Variants in TRIM2 observed in about 807,000 individuals in gnomAD.
TRIM2 encodes tripartite motif containing 2, also known as tripartite motif-containing protein 2.
A neutral mutation model predicts 75.2 loss-of-function variants in TRIM2; 20 were observed. That is an observed-to-expected ratio of 0.27 (90% CI 0.19 to 0.39). TRIM2 has a LOEUF of 0.39. Among genes scored for constraint, TRIM2 ranks in the 10% least tolerant of loss-of-function variants. TRIM2 has a pLI of 1.00. For missense variants in TRIM2, 660 were observed against 990.8 expected, an observed-to-expected ratio of 0.67 and a Z score of 4.48; for synonymous variants, 373 against 388.3, an observed-to-expected ratio of 0.96 and a Z score of 0.46.
chr4:153,284,028 C>G (rs1332707940), intron 3 of TRIM2, among the ~76,000 whole-genome samples: 11 of 150,918 alleles, frequency 7.3e-5, no homozygotes, highest in Non-Finnish European at 1.3e-4. Flanking sequence ...TGTCACCATG[C>G]CCAGCTAATT....
intron 6 of TRIM2, among the ~76,000 whole-genome samples, chr4:153,306,128 C>CAA (rs200865610): frequency 1.6e-4 from 18 of 112,572 alleles, no homozygotes; most frequent in Non-Finnish European, 2.7e-4. Context: ...GACTCCATCT[C>CAA]AAAAAAAAAA....
At position 153,260,696 on chromosome 4, in the gene TRIM2, C is replaced by CACACACA. The variant is rs1560902840; in HGVS notation, c.31-9639_31-9638insACACACA. Reference sequence around the variant, plus strand: ...CACACCCACCCACACACCCACCCCCCCCCCCACACACACACACACACACAC... The same window carrying CACACACA: ...CACACCCACCCACACACCCACCCCCCACACACACCCCCACACACACACACACACACAC... On this transcript the variant is annotated intron_variant, in intron 1 of 11. Coordinates refer to ENST00000338700, the MANE Select transcript of TRIM2 (RefSeq NM_015271.5). 1.9e-3 allele frequency among the ~76,000 whole-genome samples: 111 copies of CACACACA among 58,074 alleles called. 9 individuals carry two copies. Among genetic ancestry groups the CACACACA allele is most frequent in the African/African-American group, 6.1e-3 (106 of 17,336 alleles). 38.1% of individuals were successfully genotyped at this position (58,074 alleles called of 152,430 possible).
intron 10 of TRIM2, among the ~76,000 whole-genome samples, chr4:153,327,400 G>T (rs182660520): frequency 5.0e-4 from 76 of 152,284 alleles, no homozygotes; most frequent in African/African-American, 1.7e-3. Flanking sequence ...CTCTCTAAAA[G>T]GTCTTGAGAT....
intron 1 of TRIM2, among the ~76,000 whole-genome samples, chr4:153,171,835 T>G (rs556111506): frequency 3.7e-5 from 5 of 135,260 alleles, no homozygotes; most frequent in African/African-American, 8.3e-5. Flanking sequence ...ATTTTCGTTT[T>G]GGGGCTTTTT....
intron 1 of TRIM2, among the ~76,000 whole-genome samples, chr4:153,170,821 C>T (rs1023406359): frequency 1.1e-4 from 16 of 152,158 alleles, no homozygotes; most frequent in Non-Finnish European, 2.2e-4. Flanking sequence ...GAGAAAGGGA[C>T]ACCTTTTTCT....
intron 1 of TRIM2, among the ~76,000 whole-genome samples, chr4:153,246,754 C>T (rs1749272305): frequency 6.6e-6 from 1 of 152,166 alleles, no homozygotes; most frequent in South Asian, 2.1e-4. Flanking sequence ...ATGGATGGCT[C>T]TGCTTGGCAC....
chr4:153,237,805 C>T (rs186624101), intron 1 of TRIM2, among the ~76,000 whole-genome samples: 13 of 152,252 alleles, frequency 8.5e-5, no homozygotes, highest in Admixed American at 7.2e-4. Context: ...AATGGTTATA[C>T]AAATGGTTAT....
chr4:153,320,698 C>T (rs947364722), intron 8 of TRIM2, among the ~76,000 whole-genome samples: 1 of 152,098 alleles, frequency 6.6e-6, no homozygotes, highest in African/African-American at 2.4e-5. Flanking sequence ...GGTGGCGCGA[C>T]CTTGGCTAAC....
At chr4:153,153,848 C>A (rs911459576) in intron 1 of TRIM2, among the ~76,000 whole-genome samples, 1 of 152,198 alleles carries the variant, frequency 6.6e-6, no homozygotes, top group African/African-American at 2.4e-5. Flanking sequence ...GCCCTGCAGG[C>A]CTCAGTCTCT....
chr4:153,294,319 A>G lies in TRIM2; in HGVS notation c.620A>G (p.Asp207Gly), dbSNP rs1329113567. 6.2e-7 allele frequency: 1 copy of G among 1,614,140 alleles called. No individual in the cohort carries two copies. Among genetic ancestry groups the G allele is most frequent in the Non-Finnish European group, 8.5e-7 (1 of 1,180,018 alleles). Residue 207 changes from aspartate (D) to glycine (G), a missense_variant, in exon 5 of 12, where the codon GAT (aspartate) becomes GGT (glycine). Coordinates refer to ENST00000338700, the MANE Select transcript of TRIM2 (RefSeq NM_015271.5). ...CTGTCCACCAGGCTCCCAGAAATAGATTCTGCTCTTCAGTTCATCTCTGAA... is the reference window on the plus strand; with the variant it reads ...CTGTCCACCAGGCTCCCAGAAATAGGTTCTGCTCTTCAGTTCATCTCTGAA... ...DAVNKRLPEI[D>G]SALQFISEII... is the part of the protein sequence containing the mutation.
chr4:153,176,544 C>A (rs753084251), intron 1 of TRIM2, among the ~76,000 whole-genome samples: 1 of 152,072 alleles, frequency 6.6e-6, no homozygotes, highest in Non-Finnish European at 1.5e-5. Context: ...CTGTATTATT[C>A]TTGCAAATTT....
At chr4:153,215,085 A>G (rs553075008) in intron 1 of TRIM2, among the ~76,000 whole-genome samples, 10 of 152,222 alleles carry the variant, frequency 6.6e-5, no homozygotes, top group African/African-American at 2.4e-4. Context: ...ATACAGGCAG[A>G]TGCAACTTGC....
intron 11 of TRIM2, 35 bp from the exon 12 acceptor site, chr4:153,334,779 C>T: frequency 6.4e-7 from 1 of 1,563,982 alleles, no homozygotes; most frequent in Non-Finnish European, 8.8e-7. Flanking sequence ...ACTATAACTT[C>T]TCCTATAACA....
intron 2 of TRIM2, among the ~76,000 whole-genome samples, chr4:153,272,266 A>G (rs959943406): frequency 4.6e-5 from 7 of 151,998 alleles, no homozygotes; most frequent in African/African-American, 1.4e-4. Flanking sequence ...CTCCTGCCTC[A>G]GCCTCCTGAG....
intron 3 of TRIM2, among the ~76,000 whole-genome samples, chr4:153,289,611 C>T (rs948152369): frequency 6.6e-6 from 1 of 152,060 alleles, no homozygotes; most frequent in African/African-American, 2.4e-5. Context: ...TATTCTTTGT[C>T]ATCTCGTTTC....
In TRIM2 at chr4:153,338,376, A is replaced by G; in HGVS notation, c.*3410A>G. 1 of 985,724 alleles carries G rather than the reference A, an allele frequency of 1.0e-6. No individual in the cohort carries two copies. The highest frequency in any genetic ancestry group is 1.2e-6 in the Non-Finnish European group (1 of 829,858). The allele number at this position is 985,724 out of a possible 1,614,324, so 61.1% of individuals were successfully genotyped here. A position where few individuals can be genotyped will look rare whatever the true frequency, so the allele number is the denominator to read the frequency against. On this transcript the variant is annotated 3_prime_UTR_variant, in exon 12 of 12. Coordinates refer to ENST00000338700, the MANE Select transcript of TRIM2 (RefSeq NM_015271.5). ...ATTCACTAGCTTCTGAAAAGGGAGG[A>G]GTATTTTTAGTTTGACAATTTAATA...
At chr4:153,152,268 C>A (rs1651783240), upstream of TRIM2, 1 of 152,068 alleles carries the variant, frequency 6.6e-6, no homozygotes, top group Non-Finnish European at 1.5e-5. Context: ...GGGAAACCAC[C>A]CCCCGCAGAG....
At chr4:153,178,787 T>G (rs1031655543) in intron 1 of TRIM2, among the ~76,000 whole-genome samples, 1 of 152,176 alleles carries the variant, frequency 6.6e-6, no homozygotes, top group African/African-American at 2.4e-5. Context: ...TAAGAAAAAT[T>G]TTATGTGCTA....
chr4:153,212,581 C>A (rs919228950), intron 1 of TRIM2, among the ~76,000 whole-genome samples: 4 of 152,108 alleles, frequency 2.6e-5, no homozygotes, highest in African/African-American at 9.7e-5. Context: ...ATTGCTTGAG[C>A]CTGAGAGTTC....
Sources: gnomAD v4.1 joint callset for allele counts (sites outside exome capture counted in the v4.1 genomes callset) on GRCh38, gnomAD v4.1.1 for gene constraint, MANE v1.5 for transcripts, NCBI Gene and HGNC (gene_info 2026-07-23, HGNC 2026-07-21) for gene names.